The following DMD variants were observed in gnomAD, a reference collection of about 807,000 sequenced individuals.
DMD encodes the protein mutant dystrophin.
DMD carries 63 observed loss-of-function variants against 330.1 expected under a neutral mutation model. The observed-to-expected ratio is 0.19, with a 90% confidence interval of 0.16 to 0.24. The LOEUF (loss-of-function observed/expected upper bound fraction) is 0.24, where lower values mean the gene tolerates loss of function less well. DMD is among the 10% of genes least tolerant of loss of function. DMD has a pLI of 1.00. For missense variants in DMD, 3,344 were observed against 2,684.1 expected (o/e 1.25, Z -5.43); for synonymous variants, 1,223 against 959.8 (o/e 1.27, Z -5.07).
chrX:31,589,642 T>G (rs1241496931), intron 55 of DMD, among the ~76,000 whole-genome samples: 1 of 111,885 alleles, frequency 8.9e-6, no homozygotes, highest in African/African-American at 3.2e-5. Context: ...GATTGACATT[T>G]ATTGACCCAT....
chrX:31,617,306 G>A (rs779483169), intron 55 of DMD, among the ~76,000 whole-genome samples: 5 of 111,010 alleles, frequency 4.5e-5, no homozygotes, highest in East Asian at 2.9e-4. Context: ...AGGCCGGGGC[G>A]GGCGCATCAC....
intron 43 of DMD, among the ~76,000 whole-genome samples, chrX:32,246,982 G>C (rs2097241659): frequency 9.0e-6 from 1 of 111,075 alleles, no homozygotes; most frequent in African/African-American, 3.3e-5. Flanking sequence ...GATATGGCCA[G>C]GACCCACCCC....
chrX:32,673,609 A>G (rs2061771031), intron 9 of DMD, among the ~76,000 whole-genome samples: 2 of 111,827 alleles, frequency 1.8e-5, no homozygotes, highest in Non-Finnish European at 3.8e-5. Flanking sequence ...GCAGAATGTA[A>G]GACTTAAGTA....
chrX:32,663,846 G>C (rs1291942346), intron 9 of DMD, among the ~76,000 whole-genome samples: 1 of 111,754 alleles, frequency 8.9e-6, no homozygotes, highest in East Asian at 2.8e-4. Context: ...AGTCATGTGA[G>C]TATGTGGAGG....
chrX:31,780,194 A>G (rs1433421597), intron 50 of DMD, among the ~76,000 whole-genome samples: 1 of 112,152 alleles, frequency 8.9e-6, no homozygotes, highest in Non-Finnish European at 1.9e-5. Context: ...GTATTCACAC[A>G]TGGTTTTCCT....
chrX:33,147,804 C>G (rs1471580160), intron 1 of DMD, among the ~76,000 whole-genome samples: 1 of 111,319 alleles, frequency 9.0e-6, no homozygotes, highest in African/African-American at 3.3e-5. Context: ...GAAACATCAA[C>G]CAGTAATTTC....
chrX:32,719,664 A>T lies in DMD; in HGVS notation c.650-20371T>A, dbSNP rs140370199. 5.7e-4 allele frequency among the ~76,000 whole-genome samples: 64 copies of T among 111,863 alleles called. No individual in the cohort carries two copies. In the East Asian group the frequency reaches 0.017, roughly 30 times the overall value. On this transcript the variant is annotated intron_variant, in intron 7 of 78. Coordinates refer to ENST00000357033, the MANE Select transcript of DMD (RefSeq NM_004006.3). ...TGCACATGATGCTTTGAGCATATTA[A>T]ATGTAGACTTACTTTTGTGTTCTTA...
chrX:31,573,196 C>T (rs1239251329), intron 55 of DMD, among the ~76,000 whole-genome samples: 1 of 111,642 alleles, frequency 9.0e-6, no homozygotes, highest in East Asian at 2.8e-4. Context: ...CCTTAAATTT[C>T]CCAGGTCTAG....
intron 51 of DMD, among the ~76,000 whole-genome samples, chrX:31,753,156 G>A (rs1300819209): frequency 8.9e-6 from 1 of 111,949 alleles, no homozygotes; most frequent in Admixed American, 9.5e-5. Flanking sequence ...TAATATGCTG[G>A]GGGTGTGAGG....
intron 44 of DMD, among the ~76,000 whole-genome samples, chrX:32,088,690 G>GTGTGTGTGTGTA (rs1486140392): frequency 9.2e-6 from 1 of 108,727 alleles, no homozygotes; most frequent in African/African-American, 3.4e-5. Context: ...GTGTGTGTGT[G>GTGTGTGTGTGTA]TGTGTGTGTG....
chrX:32,217,099 T>C (rs779360394), intron 43 of DMD, 36 bp from the exon 44 acceptor site: 13 of 1,184,013 alleles, frequency 1.1e-5, no homozygotes, highest in Admixed American at 2.2e-5. Flanking sequence ...GAAAAATAGA[T>C]GGATTATGTA....
At chrX:31,143,021 G>T (rs749836197) in intron 76 of DMD, among the ~76,000 whole-genome samples, 3 of 112,430 alleles carry the variant, frequency 2.7e-5, no homozygotes, top group African/African-American at 9.7e-5. Context: ...CCAGAATGTG[G>T]TTCAGCAGAT....
At position 32,535,674 on chromosome X, in the gene DMD, G is replaced by C. The variant is rs5927078; in HGVS notation, c.2168+9485C>G. 1.1e-4 allele frequency among the ~76,000 whole-genome samples: 12 copies of C among 110,175 alleles called. No homozygotes were observed. The South Asian group carries it at 4.6e-3, about 42-fold the overall frequency. ...TTTGAGTTGCCTCTCCATCCCCTGC[G>C]CTGCGTCTCAGTTTTCTACTACCTG... On this transcript the variant is annotated intron_variant, in intron 17 of 78. Coordinates refer to ENST00000357033, the MANE Select transcript of DMD (RefSeq NM_004006.3).
chrX:32,053,776 C>T (rs1002587153), intron 44 of DMD, among the ~76,000 whole-genome samples: 3 of 111,531 alleles, frequency 2.7e-5, no homozygotes, highest in East Asian at 2.8e-4. Flanking sequence ...CACACACATA[C>T]GCACAAATAA....
chrX:31,301,376 A>G (rs1436112832), intron 62 of DMD, among the ~76,000 whole-genome samples: 1 of 111,894 alleles, frequency 8.9e-6, no homozygotes, highest in Non-Finnish European at 1.9e-5. Context: ...ACAGTTCTGC[A>G]GGCTGTATAG....
intron 12 of DMD, among the ~76,000 whole-genome samples, chrX:32,601,839 G>A (rs758911515): frequency 8.9e-6 from 1 of 111,834 alleles, no homozygotes; most frequent in African/African-American, 3.2e-5. Context: ...AAACTGTTTT[G>A]CATTTTGCCT....
chrX:32,561,750 C>T (rs1046662816), intron 16 of DMD, among the ~76,000 whole-genome samples: 1 of 111,366 alleles, frequency 9.0e-6, no homozygotes, highest in Non-Finnish European at 1.9e-5. Context: ...TACAATTCTC[C>T]AGGTTTAAAT....
chrX:32,949,968 A>AATAAACATCCAGTGTAAAGGTGCAGAGGC (rs2091135263), intron 2 of DMD, among the ~76,000 whole-genome samples: 2 of 82,903 alleles, frequency 2.4e-5, no homozygotes, highest in Admixed American at 1.2e-4. Context: ...GCAGAGGCAA[A>AATAAACATCCAGTGTAAAGGTGCAGAGGC]AAAAAAAAAA....
chrX:32,557,677 C>G (rs138048179), intron 16 of DMD, among the ~76,000 whole-genome samples: 122 of 111,442 alleles, frequency 1.1e-3, no homozygotes, highest in African/African-American at 3.8e-3. Context: ...GCACAAGGCA[C>G]AAAAATCTGG....
Sources: gnomAD v4.1 joint callset for allele counts (sites outside exome capture counted in the v4.1 genomes callset) on GRCh38, gnomAD v4.1.1 for gene constraint, MANE v1.5 for transcripts, NCBI Gene and HGNC (gene_info 2026-07-23, HGNC 2026-07-21) for gene names.